The following ERBB4 variants were observed in gnomAD, a reference collection of about 807,000 sequenced individuals.
The protein encoded by ERBB4 is receptor tyrosine-protein kinase erbB-4.
In ERBB4, 42 loss-of-function variants were observed where a neutral mutation model predicts 158.0. That is an observed-to-expected ratio of 0.27 (90% CI 0.21 to 0.34). The LOEUF is 0.34. Ranked by LOEUF, ERBB4 falls within the 10% of genes least tolerant of loss-of-function variation. The probability of loss-of-function intolerance (pLI) is 1.00; values close to 1 mark genes in which losing one functional copy is unlikely to be tolerated. For synonymous variants in ERBB4, 583 were observed against 558.7 expected, an observed-to-expected ratio of 1.04 and a Z score of -0.61; for missense variants, 1,333 against 1,624.1, an observed-to-expected ratio of 0.82 and a Z score of 3.08.
At chr2:211,532,179 G>A (rs1210700942) in intron 20 of ERBB4, among the ~76,000 whole-genome samples, 1 of 151,430 alleles carries the variant, frequency 6.6e-6, no homozygotes, top group Non-Finnish European at 1.5e-5. Context: ...ATGGTCAATG[G>A]GTACAAAAAA....
Position 212,239,873 on chromosome 2 carries a change from T to C in ERBB4, c.83-114970A>G, listed in dbSNP as rs569325095. 1.4e-4 allele frequency among the ~76,000 whole-genome samples: 21 copies of C among 152,286 alleles called. No individual in the cohort carries two copies. The East Asian group carries it at 1.9e-3, about 14-fold the overall frequency. ...CTAAAGGAATTAAATAACAAGCTTTTTAGAGGGGGAAAATCAAGTTAAATC... is the reference window on the plus strand; with the variant it reads ...CTAAAGGAATTAAATAACAAGCTTTCTAGAGGGGGAAAATCAAGTTAAATC... On this transcript the variant is annotated intron_variant, in intron 1 of 27. Coordinates refer to ENST00000342788, the MANE Select transcript of ERBB4 (RefSeq NM_005235.3).
At chr2:212,406,133 T>G (rs1013884049) in intron 1 of ERBB4, among the ~76,000 whole-genome samples, 1 of 152,132 alleles carries the variant, frequency 6.6e-6, no homozygotes, top group Non-Finnish European at 1.5e-5. Flanking sequence ...TTTCTGATTT[T>G]ATTCCCATAG....
At chr2:211,492,839 C>T (rs2065378505) in intron 20 of ERBB4, among the ~76,000 whole-genome samples, 3 of 152,128 alleles carry the variant, frequency 2.0e-5, no homozygotes, top group Non-Finnish European at 4.4e-5. Context: ...GCTAACTCAA[C>T]ACATCAGCTG....
At chr2:212,260,016 C>T (rs1183323424) in intron 1 of ERBB4, among the ~76,000 whole-genome samples, 1 of 151,112 alleles carries the variant, frequency 6.6e-6, no homozygotes, top group Non-Finnish European at 1.5e-5. Context: ...TTGCAGTGAA[C>T]CGAGATCGTG....
chr2:212,291,448 A>C (rs2106181120), intron 1 of ERBB4, among the ~76,000 whole-genome samples: 1 of 152,258 alleles, frequency 6.6e-6, no homozygotes, highest in East Asian at 1.9e-4. Context: ...ATTTGCATTA[A>C]AATTAAGTTA....
Position 211,854,935 on chromosome 2 carries a change from C to T in ERBB4, c.422-66776G>A, listed in dbSNP as rs553645469. Among the ~76,000 whole-genome samples the T allele has an allele frequency of 2.6e-5, 4 of 152,244 alleles. No individual in the cohort carries two copies. The East Asian group carries it at 5.8e-4, about 22-fold the overall frequency. The stretch of plus-strand genomic sequence containing the variant: ...ATTATACCTTTAGCCGCTATTGCTA[C>T]GCAGTTTCCCAAAGTGGATGTACCA... On this transcript the variant is annotated intron_variant, in intron 3 of 27. Transcript: ENST00000342788.
At chr2:212,169,961 T>C (rs915418059) in intron 1 of ERBB4, among the ~76,000 whole-genome samples, 3 of 152,174 alleles carry the variant, frequency 2.0e-5, no homozygotes, top group African/African-American at 7.2e-5. Flanking sequence ...CAGGTATGTC[T>C]TTATAGCAGT....
intron 3 of ERBB4, among the ~76,000 whole-genome samples, chr2:211,839,914 G>A (rs80348321): frequency 0.011 from 1,615 of 152,182 alleles, 29 homozygotes; most frequent in African/African-American, 0.036. Flanking sequence ...AAGAAGAAAT[G>A]AAACTAAGCT....
intron 1 of ERBB4, among the ~76,000 whole-genome samples, chr2:212,535,747 C>T (rs1293155932): frequency 1.3e-5 from 2 of 152,058 alleles, no homozygotes; most frequent in Non-Finnish European, 1.5e-5. Flanking sequence ...AGACAAAGTC[C>T]TTTAGAATTT....
chr2:211,439,711 A>C (rs2063932836), intron 20 of ERBB4, among the ~76,000 whole-genome samples: 1 of 152,160 alleles, frequency 6.6e-6, no homozygotes, highest in African/African-American at 2.4e-5. Flanking sequence ...TACAGGTTTC[A>C]CTGGGTTCTT....
chr2:212,313,402 T>A (rs981944164), intron 1 of ERBB4, among the ~76,000 whole-genome samples: 3 of 150,952 alleles, frequency 2.0e-5, no homozygotes, highest in Non-Finnish European at 4.5e-5. Context: ...TAATTTGATT[T>A]TCATATATTT....
At chr2:211,564,994 T>A (rs941645691) in intron 19 of ERBB4, among the ~76,000 whole-genome samples, 1 of 152,018 alleles carries the variant, frequency 6.6e-6, no homozygotes, top group Non-Finnish European at 1.5e-5. Flanking sequence ...TAACCTGAGA[T>A]AAAACACAAA....
chr2:211,913,374 C>T (rs1477345978), intron 3 of ERBB4, among the ~76,000 whole-genome samples: 1 of 151,848 alleles, frequency 6.6e-6, no homozygotes, highest in African/African-American at 2.4e-5. Context: ...CTGAGGCGGG[C>T]GGATCACACT....
intron 3 of ERBB4, among the ~76,000 whole-genome samples, chr2:211,826,309 A>T (rs2077097944): frequency 6.6e-6 from 1 of 151,850 alleles, no homozygotes; most frequent in African/African-American, 2.4e-5. Context: ...GTTATGGATT[A>T]CGGATATAAT....
chr2:212,285,628 T>C (rs2085931166), intron 1 of ERBB4, among the ~76,000 whole-genome samples: 1 of 152,108 alleles, frequency 6.6e-6, no homozygotes, highest in East Asian at 1.9e-4. Flanking sequence ...AAAAAATGAT[T>C]ATGACAAATA....
chr2:212,441,061 C>T (rs903362803), intron 1 of ERBB4, among the ~76,000 whole-genome samples: 4 of 152,144 alleles, frequency 2.6e-5, no homozygotes, highest in African/African-American at 7.2e-5. Flanking sequence ...AAGATGCATG[C>T]ACAGCCTCAC....
chr2:212,352,325 TAA>T (rs5838322), intron 1 of ERBB4, among the ~76,000 whole-genome samples: 14,819 of 145,054 alleles, frequency 0.1, 850 homozygotes, highest in African/African-American at 0.14. Context: ...AAATAAAAGT[TAA>T]AAAAAAAAAA....
chr2:211,559,782 C>T (rs1317165930), intron 20 of ERBB4, among the ~76,000 whole-genome samples: 1 of 152,152 alleles, frequency 6.6e-6, no homozygotes, highest in East Asian at 1.9e-4. Context: ...CCTCAGTCAA[C>T]ATCGTATCTG....
chr2:211,841,933 T>C (rs948770950), intron 3 of ERBB4, among the ~76,000 whole-genome samples: 1 of 152,090 alleles, frequency 6.6e-6, no homozygotes, highest in Non-Finnish European at 1.5e-5. Flanking sequence ...AAATTATATA[T>C]GGACATTTTT....
Sources: gnomAD v4.1 joint callset for allele counts (sites outside exome capture counted in the v4.1 genomes callset) on GRCh38, gnomAD v4.1.1 for gene constraint, MANE v1.5 for transcripts, NCBI Gene and HGNC (gene_info 2026-07-23, HGNC 2026-07-21) for gene names.